ATP2B2: variants seen among roughly 807,000 people sequenced by gnomAD.
ATP2B2 encodes the protein plasma membrane calcium-transporting ATPase 2.
A neutral mutation model predicts 120.0 loss-of-function variants in ATP2B2; 15 were observed. The observed-to-expected ratio is 0.12, with a 90% CI of 0.08 to 0.19. The LOEUF is 0.19. Ranked by LOEUF, ATP2B2 falls within the 10% of genes least tolerant of loss-of-function variation. ATP2B2 has a pLI of 1.00. For missense variants in ATP2B2, 1,045 were observed against 1,719.8 expected, an observed-to-expected ratio of 0.61 and a Z score of 6.94; for synonymous variants, 694 against 700.3, an observed-to-expected ratio of 0.99 and a Z score of 0.14.
Position 10,569,778 on chromosome 3 carries a change from C to G in ATP2B2, c.-414-35645G>C, listed in dbSNP as rs189399596. ...GAAGGGACTTGCTGAGGGTCAACAA[C>G]CGGAGGCTGAACCCTAACACCCACT... On this transcript the variant is annotated intron_variant, in intron 2 of 21. Coordinates refer to the ATP2B2 transcript ENST00000646379. Among the ~76,000 whole-genome samples, 22 of 152,226 alleles carry G rather than the reference C, an allele frequency of 1.4e-4. 2 individuals carry two copies. The East Asian group carries it at 4.1e-3, about 28-fold the overall frequency.
chr3:10,500,027 C>T (rs937107020), intron 1 of ATP2B2, among the ~76,000 whole-genome samples: 4 of 151,548 alleles, frequency 2.6e-5, no homozygotes, highest in African/African-American at 4.9e-5. Context: ...CCTCCACCTC[C>T]CAGGATCAAA....
At chr3:10,476,180 C>T (rs1158635887) in intron 1 of ATP2B2, among the ~76,000 whole-genome samples, 1 of 152,210 alleles carries the variant, frequency 6.6e-6, no homozygotes, top group Non-Finnish European at 1.5e-5. Flanking sequence ...GAAGCATTTG[C>T]AGGGCCTTGG....
intron 1 of ATP2B2, among the ~76,000 whole-genome samples, chr3:10,695,468 C>T (rs2071729367): frequency 6.6e-6 from 1 of 152,162 alleles, no homozygotes; most frequent in Non-Finnish European, 1.5e-5. Flanking sequence ...ACCATATAAA[C>T]TGCCAATTCT....
chr3:10,480,420 C>T (rs989431531), intron 1 of ATP2B2, among the ~76,000 whole-genome samples: 2 of 152,214 alleles, frequency 1.3e-5, no homozygotes, highest in East Asian at 3.8e-4. Flanking sequence ...ATCTGGGCCT[C>T]AGTCTTCTCT....
At chr3:10,660,424 C>T (rs142087920) in intron 1 of ATP2B2, among the ~76,000 whole-genome samples, 1,589 of 152,112 alleles carry the variant, frequency 0.01, 19 homozygotes, top group Middle Eastern at 0.034. Flanking sequence ...ATATCACCAG[C>T]GATCCCACAG....
At chr3:10,645,078 A>G (rs778287203) in intron 1 of ATP2B2, among the ~76,000 whole-genome samples, 1 of 152,158 alleles carries the variant, frequency 6.6e-6, no homozygotes, top group African/African-American at 2.4e-5. Context: ...GGAAAAAAAT[A>G]CTACGTATGT....
Position 10,456,880 on chromosome 3 carries a change from C to G in ATP2B2, c.-319-7018G>C, listed in dbSNP as rs554903218. Among the ~76,000 whole-genome samples, 4 of 152,352 alleles carry G rather than the reference C, an allele frequency of 2.6e-5. No individual in the cohort carries two copies. In the South Asian group the frequency reaches 8.3e-4, roughly 32 times the overall value. On this transcript the variant is annotated intron_variant, in intron 1 of 22. Coordinates refer to ENST00000360273, the MANE Select transcript of ATP2B2 (RefSeq NM_001001331.4). ...GCCCACTGCCCCAGTGATGGGGAAC[C>G]CTCTTCCTCCATGCTGAACCCAAGG...
intron 1 of ATP2B2, among the ~76,000 whole-genome samples, chr3:10,682,854 C>T (rs2071415002): frequency 6.6e-6 from 1 of 152,212 alleles, no homozygotes; most frequent in Non-Finnish European, 1.5e-5. Flanking sequence ...GGGACAACCA[C>T]AGGCACATGG....
chr3:10,694,024 T>A (rs943756399), intron 1 of ATP2B2, among the ~76,000 whole-genome samples: 28 of 152,172 alleles, frequency 1.8e-4, no homozygotes, highest in African/African-American at 5.8e-4. Context: ...TGCAAGGAAA[T>A]GTACAGGGAA....
chr3:10,355,613 G>C (rs1488873432), intron 14 of ATP2B2, among the ~76,000 whole-genome samples: 2 of 152,172 alleles, frequency 1.3e-5, no homozygotes, highest in African/African-American at 2.4e-5. Flanking sequence ...GGGGTTGGGG[G>C]TTGGCTCCAG....
chr3:10,481,596 TA>T (rs2065417416), intron 1 of ATP2B2, among the ~76,000 whole-genome samples: 1 of 152,230 alleles, frequency 6.6e-6, no homozygotes, highest in East Asian at 1.9e-4. Context: ...CTCCGTTACC[TA>T]GGCTAGAGTG....
intron 1 of ATP2B2, among the ~76,000 whole-genome samples, chr3:10,643,170 G>A (rs1461757385): frequency 6.6e-6 from 1 of 152,164 alleles, no homozygotes; most frequent in African/African-American, 2.4e-5. Context: ...GGGATGATGT[G>A]AGCACCAAAA....
chr3:10,626,865 GACACACACACACAC>G (rs36206226), intron 1 of ATP2B2: 22,429 of 142,864 alleles, frequency 0.16, 2,063 homozygotes, highest in South Asian at 0.34. Flanking sequence ...CTGGTAGTGA[GACACACACACACAC>G]ACACACACAC....
chr3:10,338,070 C>T (rs2060174102), intron 22 of ATP2B2, 106 bp downstream of exon 22: 1 of 1,485,152 alleles, frequency 6.7e-7, no homozygotes, highest in South Asian at 1.2e-5. Context: ...AGCCACCCTC[C>T]CTCAGCACCA....
At chr3:10,639,634 C>T (rs1206348952) in intron 1 of ATP2B2, among the ~76,000 whole-genome samples, 2 of 152,156 alleles carry the variant, frequency 1.3e-5, no homozygotes, top group African/African-American at 4.8e-5. Flanking sequence ...AACATTCAGA[C>T]CCTAGCAGAT....
chr3:10,616,028 T>C (rs894509411), intron 2 of ATP2B2, among the ~76,000 whole-genome samples: 6 of 152,144 alleles, frequency 3.9e-5, no homozygotes. Flanking sequence ...TTATTAAGGA[T>C]GGAGACATGA....
At chr3:10,547,565 T>A (rs2067578128) in intron 2 of ATP2B2, among the ~76,000 whole-genome samples, 4 of 152,142 alleles carry the variant, frequency 2.6e-5, no homozygotes, top group Admixed American at 2.6e-4. Flanking sequence ...AAAGCACTCT[T>A]ATGCCCATTA....
At chr3:10,490,400 C>CTTTTTTTT (rs34189325) in intron 1 of ATP2B2, among the ~76,000 whole-genome samples, 2 of 136,866 alleles carry the variant, frequency 1.5e-5, no homozygotes, top group African/African-American at 2.7e-5. Flanking sequence ...CCACGGCATT[C>CTTTTTTTT]TTTTTTTTTT....
chr3:10,658,798 T>A (rs1575599221), intron 1 of ATP2B2, among the ~76,000 whole-genome samples: 1 of 151,906 alleles, frequency 6.6e-6, no homozygotes, highest in Admixed American at 6.5e-5. Flanking sequence ...ATTGTCAGAT[T>A]CACCGAAGTT....
Sources: allele counts gnomAD v4.1 joint callset (sites outside exome capture counted in the v4.1 genomes callset), GRCh38; gene constraint gnomAD v4.1.1; transcripts MANE v1.5; gene names NCBI Gene and HGNC (gene_info 2026-07-23, HGNC 2026-07-21).